The following GRIP1 variants were observed in gnomAD, a reference collection of about 807,000 sequenced individuals.
The protein encoded by GRIP1 is glutamate receptor interacting protein 1.
A neutral mutation model predicts 129.9 loss-of-function variants in GRIP1; 45 were observed. The ratio of observed to expected loss-of-function variants is 0.35; its 90% confidence interval spans 0.27 to 0.44. The LOEUF (loss-of-function observed/expected upper bound fraction) is 0.44. GRIP1 is among the 20% of genes least tolerant of loss of function. The probability of loss-of-function intolerance (pLI) is 1.00; values close to 1 mark genes in which losing one functional copy is unlikely to be tolerated. For synonymous variants in GRIP1, 530 were observed against 520.8 expected, an observed-to-expected ratio of 1.02 and a Z score of -0.24; for missense variants, 1,196 against 1,396.8, an observed-to-expected ratio of 0.86 and a Z score of 2.29.
intron 14 of GRIP1, among the ~76,000 whole-genome samples, chr12:66,425,358 C>A (rs2057946455): frequency 6.6e-6 from 1 of 152,114 alleles, no homozygotes; most frequent in South Asian, 2.1e-4. Context: ...AATAGGAACA[C>A]TTTTACACTG....
intron 2 of GRIP1, among the ~76,000 whole-genome samples, chr12:66,573,503 A>G (rs930589682): frequency 6.6e-6 from 1 of 152,202 alleles, no homozygotes; most frequent in Admixed American, 6.5e-5. Flanking sequence ...AATCCTCATT[A>G]CACTCTCATT....
At position 66,931,111 on chromosome 12, in the gene GRIP1, T is replaced by C. The variant is rs188021987; in HGVS notation, c.58+137939A>G. On this transcript the variant is annotated intron_variant, in intron 1 of 1. Coordinates refer to the GRIP1 transcript ENST00000643019. ...GATATTGACTGTCAAGAGGACAGAA[T>C]TAAAGCCTCTTCACAAGAAAGAAAA... is the stretch of plus-strand genomic sequence containing the variant. Among the ~76,000 whole-genome samples the C allele has an allele frequency of 3.4e-3, 511 of 152,256 alleles. 3 individuals are homozygous for C. Among genetic ancestry groups the C allele is most frequent in the African/African-American group, 0.011 (465 of 41,554 alleles).
In GRIP1 at chr12:66,948,070, C is replaced by G. The variant is rs77867136; in HGVS notation, c.58+120980G>C. ...ATCACATCAAGATATACAAGCTGTT[C>G]CCACTGTAGCAGAGAAAGCTGAAAA... On this transcript the variant is annotated intron_variant, in intron 1 of 1. Coordinates refer to the GRIP1 transcript ENST00000643019. 5.6e-3 allele frequency among the ~76,000 whole-genome samples: 848 copies of G among 152,242 alleles called. 8 individuals are homozygous for G. The highest frequency in any genetic ancestry group is 0.02 in the African/African-American group (824 of 41,546).
At chr12:66,449,127 A>G (rs1592344521) in intron 11 of GRIP1, among the ~76,000 whole-genome samples, 1 of 152,090 alleles carries the variant, frequency 6.6e-6, no homozygotes, top group South Asian at 2.1e-4. Context: ...CCACATTTCT[A>G]ATACATGGTC....
chr12:66,803,745 A>G (rs1271054873), intron 1 of GRIP1, among the ~76,000 whole-genome samples: 2 of 152,194 alleles, frequency 1.3e-5, no homozygotes, highest in Non-Finnish European at 2.9e-5. Context: ...ACTACAACAG[A>G]GCATATTCTG....
intron 1 of GRIP1, among the ~76,000 whole-genome samples, chr12:66,686,620 C>T (rs772738904): frequency 2.7e-5 from 4 of 150,924 alleles, no homozygotes; most frequent in Non-Finnish European, 1.5e-5. Flanking sequence ...TAGGAAGGAG[C>T]TAAGTTTTCC....
chr12:66,603,786 A>G (rs896785151), intron 1 of GRIP1, among the ~76,000 whole-genome samples: 3 of 152,218 alleles, frequency 2.0e-5, no homozygotes, highest in African/African-American at 4.8e-5. Flanking sequence ...AGTGAATTCA[A>G]TCTTCCCTTG....
At chr12:66,477,272 T>G (rs2059646134) in intron 7 of GRIP1, among the ~76,000 whole-genome samples, 1 of 152,078 alleles carries the variant, frequency 6.6e-6, no homozygotes, top group African/African-American at 2.4e-5. Context: ...TGAACTCCCA[T>G]TCACAATTGC....
At chr12:66,490,068 A>G (rs892028598) in intron 7 of GRIP1, among the ~76,000 whole-genome samples, 12 of 152,220 alleles carry the variant, frequency 7.9e-5, no homozygotes, top group African/African-American at 2.9e-4. Flanking sequence ...AGTACAGTAT[A>G]GATTCAATGT....
intron 7 of GRIP1, among the ~76,000 whole-genome samples, chr12:66,487,256 A>T (rs935292300): frequency 6.6e-6 from 1 of 152,176 alleles, no homozygotes; most frequent in South Asian, 2.1e-4. Context: ...CTACAAAGAA[A>T]CGCCCATCAG....
chr12:66,940,710 T>C (rs925307904), intron 1 of GRIP1, among the ~76,000 whole-genome samples: 3 of 152,232 alleles, frequency 2.0e-5, no homozygotes, highest in Non-Finnish European at 2.9e-5. Flanking sequence ...TATTGATTCA[T>C]TTTCTACAAA....
At position 66,668,104 on chromosome 12, in the gene GRIP1, T is replaced by A. The variant is rs542511439; in HGVS notation, c.55+10746A>T. ...TTTGGGATGTAGCTGAGGCAAAAGT[T>A]TGTGGTCAGTGTGCCTTGAGTCACT... is the stretch of plus-strand genomic sequence containing the variant. On this transcript the variant is annotated intron_variant, in intron 1 of 24. Coordinates refer to ENST00000359742, the MANE Select transcript of GRIP1 (RefSeq NM_001366722.1). 3.3e-5 allele frequency among the ~76,000 whole-genome samples: 5 copies of A among 152,344 alleles called. No homozygotes were observed. The East Asian group carries it at 9.6e-4, about 29-fold the overall frequency.
intron 1 of GRIP1, among the ~76,000 whole-genome samples, chr12:66,717,261 G>A (rs928842197): frequency 6.6e-6 from 1 of 152,008 alleles, no homozygotes; most frequent in African/African-American, 2.4e-5. Flanking sequence ...AACTGTATAA[G>A]TAAAAGCCTA....
chr12:66,501,573 A>G (rs1038615186), intron 7 of GRIP1, among the ~76,000 whole-genome samples: 1 of 152,184 alleles, frequency 6.6e-6, no homozygotes, highest in Non-Finnish European at 1.5e-5. Context: ...GATCAATAGA[A>G]GTGCTTGCCT....
At chr12:66,875,044 A>G (rs1384522259) in intron 1 of GRIP1, among the ~76,000 whole-genome samples, 1 of 152,116 alleles carries the variant, frequency 6.6e-6, no homozygotes, top group Admixed American at 6.6e-5. Flanking sequence ...ACCATGTTTT[A>G]TATTTTCTTC....
chr12:66,531,255 ATATATATATATATATATAT>A (rs2061450463), intron 4 of GRIP1, among the ~76,000 whole-genome samples: 6 of 4,818 alleles, frequency 1.2e-3, no homozygotes, highest in South Asian at 9.8e-3. Context: ...AAAAAAAAAT[ATATATATATATATATATAT>A]ATATATATAT....
chr12:66,783,317 A>T (rs2038217929), intron 1 of GRIP1, among the ~76,000 whole-genome samples: 1 of 152,206 alleles, frequency 6.6e-6, no homozygotes, highest in South Asian at 2.1e-4. Flanking sequence ...TACAGGCGTG[A>T]GCCACCATGC....
At chr12:66,546,200 G>A (rs1001533368) in intron 2 of GRIP1, among the ~76,000 whole-genome samples, 1 of 152,210 alleles carries the variant, frequency 6.6e-6, no homozygotes, top group East Asian at 1.9e-4. Flanking sequence ...AATAAAGACT[G>A]TGTGGTAGGC....
chr12:66,578,513 G>A (rs1053658548), intron 2 of GRIP1, among the ~76,000 whole-genome samples: 4 of 152,154 alleles, frequency 2.6e-5, no homozygotes, highest in African/African-American at 2.4e-5. Context: ...TCAAAGAAAC[G>A]GGTGACAGAG....
Sources: allele counts gnomAD v4.1 joint callset (sites outside exome capture counted in the v4.1 genomes callset), GRCh38; gene constraint gnomAD v4.1.1; transcripts MANE v1.5; gene names NCBI Gene and HGNC (gene_info 2026-07-23, HGNC 2026-07-21).